Variants in LUC7L2 observed in about 807,000 individuals in gnomAD.
LUC7L2 encodes putative RNA-binding protein Luc7-like 2.
LUC7L2 carries 25 observed loss-of-function variants against 52.8 expected under a neutral mutation model. That is an observed-to-expected ratio of 0.47 (90% CI 0.34 to 0.66). The LOEUF is 0.66. Ranked by LOEUF, LUC7L2 falls within the 30% of genes least tolerant of loss-of-function variation. The pLI is 0.01. For synonymous variants in LUC7L2, 144 were observed against 160.9 expected, an observed-to-expected ratio of 0.89 and a Z score of 0.80; for missense variants, 328 against 497.8, an observed-to-expected ratio of 0.66 and a Z score of 3.25.
Position 139,359,939 on chromosome 7 carries a change from G to T in LUC7L2, c.-323G>T, listed in dbSNP as rs558004799. The T allele has an allele frequency of 1.7e-5, 7 of 420,692 alleles. No individual in the cohort carries two copies. The highest frequency in any genetic ancestry group is 2.5e-5 in the Non-Finnish European group (6 of 237,692). The allele number at this position is 420,692 out of a possible 1,614,324, so 26.1% of individuals were successfully genotyped here. A position where few individuals can be genotyped will look rare whatever the true frequency, so the allele number is the denominator to read the frequency against. Reference sequence around the variant, plus strand: ...GGCGGCGAGCGGCGTCAGAGCTTGAGGGGGGGTTGACGGCTTCTGGCGGGT... The same window carrying T: ...GGCGGCGAGCGGCGTCAGAGCTTGATGGGGGGTTGACGGCTTCTGGCGGGT... On this transcript the variant is annotated 5_prime_UTR_variant, in exon 1 of 10. In the 5' UTR this introduces an upstream ATG that the reference lacks. Coordinates refer to ENST00000354926, the MANE Select transcript of LUC7L2 (RefSeq NM_016019.5).
At chr7:139,414,640 A>G (rs1795507373) in intron 8 of LUC7L2, among the ~76,000 whole-genome samples, 1 of 152,172 alleles carries the variant, frequency 6.6e-6, no homozygotes, top group Non-Finnish European at 1.5e-5. Context: ...CCCTGATATT[A>G]CTTCCTTTTG....
rs572043963 is a variant in LUC7L2, at chr7:139,368,118, G to A, written c.61+7796G>A. On this transcript the variant is annotated intron_variant, in intron 1 of 9. Transcript: ENST00000354926. Reference sequence around the variant, plus strand: ...GAGGGAGTGCTTCCCTGCACATGGTGTTCTGTATATTTATTGGTTGATGTG... The same window carrying A: ...GAGGGAGTGCTTCCCTGCACATGGTATTCTGTATATTTATTGGTTGATGTG... Among the ~76,000 whole-genome samples, 33 of 152,298 alleles carry A rather than the reference G, an allele frequency of 2.2e-4. No individual in the cohort carries two copies. In the South Asian group the frequency reaches 6.8e-3, roughly 32 times the overall value.
At chr7:139,367,060 T>G (rs1800194449) in intron 1 of LUC7L2, among the ~76,000 whole-genome samples, 1 of 152,092 alleles carries the variant, frequency 6.6e-6, no homozygotes, top group Admixed American at 6.5e-5. Context: ...CACTGCAACC[T>G]CCGCCTCTCG....
chr7:139,398,901 G>A (rs1307273238), intron 3 of LUC7L2, among the ~76,000 whole-genome samples: 4 of 152,128 alleles, frequency 2.6e-5, no homozygotes, highest in African/African-American at 9.7e-5. Flanking sequence ...ATGTGTAACA[G>A]TCGTATGATT....
In LUC7L2 at chr7:139,359,983, A is replaced by AGCTTGCTTG; in HGVS notation, c.-276_-268dup. ...GGCGGGTGGCGGTGTTGAAGGCGAG[A>AGCTTGCTTG]GCTTGCTTGGCCCGTGTCGCTTCTG... On this transcript the variant is annotated 5_prime_UTR_variant, in exon 1 of 10. Transcript: ENST00000354926. 1 of 427,948 alleles carries AGCTTGCTTG rather than the reference A, an allele frequency of 2.3e-6. No individual in the cohort carries two copies. Among genetic ancestry groups the AGCTTGCTTG allele is most frequent in the Non-Finnish European group, 4.1e-6 (1 of 241,710 alleles). The allele number at this position is 427,948 out of a possible 1,614,324, so 26.5% of individuals were successfully genotyped here.
intron 9 of LUC7L2, among the ~76,000 whole-genome samples, chr7:139,419,473 C>T (rs1351674876): frequency 6.6e-6 from 1 of 152,234 alleles, no homozygotes; most frequent in Non-Finnish European, 1.5e-5. Flanking sequence ...GGTCTACCCT[C>T]AGTGCAGTGT....
In LUC7L2 at chr7:139,417,323, GAGCCACGGCGCC is replaced by G. The variant is rs957026663; in HGVS notation, c.810-214_810-203del. 28 of 562,146 alleles carry G rather than the reference GAGCCACGGCGCC, an allele frequency of 5.0e-5. No homozygotes were observed. The African/African-American group carries it at 5.3e-4, about 11-fold the overall frequency. The allele number at this position is 562,146 out of a possible 1,614,324, so 34.8% of individuals were successfully genotyped here. A position where few individuals can be genotyped will look rare whatever the true frequency, so the allele number is the denominator to read the frequency against. ...CCCAAAGTGTTGGGATTACAGGTGT[GAGCCACGGCGCC>G]TGGCTGAGAATTATTAATGTTTTAT... On this transcript the variant is annotated intron_variant, in intron 8 of 9. Transcript: ENST00000354926.
intron 5 of LUC7L2, 40 bp downstream of exon 5, chr7:139,405,827 G>T: frequency 1.3e-6 from 2 of 1,548,318 alleles, no homozygotes; most frequent in South Asian, 1.3e-5. Context: ...TGCTTAATTT[G>T]GTAAGACTAC....
intron 4 of LUC7L2, among the ~76,000 whole-genome samples, chr7:139,403,521 A>C (rs185059087): frequency 1.2e-4 from 19 of 152,272 alleles, no homozygotes; most frequent in Admixed American, 8.5e-4. Flanking sequence ...ACCTTTTCTG[A>C]AAATTCTCTG....
intron 1 of LUC7L2, chr7:139,341,387 G>A (rs1323695808): frequency 8.7e-6 from 14 of 1,612,554 alleles, no homozygotes; most frequent in Non-Finnish European, 1.2e-5. Context: ...ACAGGACAAT[G>A]GCGGCCTTAG....
At chr7:139,412,653 A>T in intron 8 of LUC7L2, 73 bp downstream of exon 8, 1 of 1,519,302 alleles carries the variant, frequency 6.6e-7, no homozygotes, top group Non-Finnish European at 8.8e-7. Flanking sequence ...TAGATTGATT[A>T]AATGGTCCTT....
intron 8 of LUC7L2, among the ~76,000 whole-genome samples, chr7:139,415,878 G>A (rs1795575189): frequency 6.6e-6 from 1 of 151,580 alleles, no homozygotes; most frequent in African/African-American, 2.4e-5. Flanking sequence ...GTTGACATAA[G>A]CTGAATGCCT....
At chr7:139,357,532 T>TA (rs1799641985), upstream of LUC7L2, among the ~76,000 whole-genome samples, 1 of 152,208 alleles carries the variant, frequency 6.6e-6, no homozygotes, top group African/African-American at 2.4e-5. Context: ...ATTGTGTACA[T>TA]AATAGTGTAT....
At chr7:139,393,377 C>G (rs889616946) in intron 2 of LUC7L2, among the ~76,000 whole-genome samples, 2 of 152,120 alleles carry the variant, frequency 1.3e-5, no homozygotes, top group African/African-American at 4.8e-5. Context: ...TTGCAGTGAG[C>G]TGAGATCATG....
chr7:139,364,490 T>G (rs1036146475), intron 1 of LUC7L2, among the ~76,000 whole-genome samples: 1 of 152,230 alleles, frequency 6.6e-6, no homozygotes, highest in African/African-American at 2.4e-5. Flanking sequence ...TCAATAATTT[T>G]AACTATTTTA....
At chr7:139,415,066 T>TGTTTG (rs1481284978) in intron 8 of LUC7L2, among the ~76,000 whole-genome samples, 3 of 142,884 alleles carry the variant, frequency 2.1e-5, no homozygotes, top group African/African-American at 7.7e-5. Context: ...TTTTTTTTTT[T>TGTTTG]TTTTTTTTTT....
At chr7:139,399,217 T>G (rs1411460486) in intron 3 of LUC7L2, among the ~76,000 whole-genome samples, 1 of 152,118 alleles carries the variant, frequency 6.6e-6, no homozygotes, top group Non-Finnish European at 1.5e-5. Flanking sequence ...GTTCTTGTTA[T>G]TATTCCCCAA....
At chr7:139,421,893 A>G (rs1309699167) in intron 9 of LUC7L2, among the ~76,000 whole-genome samples, 1 of 152,140 alleles carries the variant, frequency 6.6e-6, no homozygotes, top group Non-Finnish European at 1.5e-5. Context: ...GAATTGGAGA[A>G]ACTCTGTGTT....
In LUC7L2 at chr7:139,360,173, A is replaced by T; in HGVS notation, c.-89A>T. 1 of 964,792 alleles carries T rather than the reference A, an allele frequency of 1.0e-6. No homozygotes were observed. The highest frequency in any genetic ancestry group is 2.5e-5 in the Admixed American group (1 of 39,962). 59.8% of individuals were successfully genotyped at this position (964,792 alleles called of 1,614,324 possible). On this transcript the variant is annotated 5_prime_UTR_variant, in exon 1 of 10. Coordinates refer to ENST00000354926, the MANE Select transcript of LUC7L2 (RefSeq NM_016019.5). ...GCGGCGGCCACCGAGACAGCAGCGC[A>T]CCTTCCCCCATCCCTTCCCCTTATC... is the stretch of plus-strand genomic sequence containing the variant.
Sources: gnomAD v4.1 joint callset for allele counts (sites outside exome capture counted in the v4.1 genomes callset) on GRCh38, gnomAD v4.1.1 for gene constraint, MANE v1.5 for transcripts, NCBI Gene and HGNC (gene_info 2026-07-23, HGNC 2026-07-21) for gene names.